The following SPATA17 variants were observed in gnomAD, a reference collection of about 807,000 sequenced individuals.
The protein encoded by SPATA17 is spermatogenesis-associated protein 17.
SPATA17 carries 53 observed loss-of-function variants against 62.2 expected under a neutral mutation model. The ratio of observed to expected loss-of-function variants is 0.85; its 90% CI spans 0.68 to 1.07. The LOEUF (loss-of-function observed/expected upper bound fraction) is 1.07, where lower values mean the gene tolerates loss of function less well. Ranked by LOEUF, SPATA17 falls within the 50% of genes least tolerant of loss-of-function variation. SPATA17 has a pLI of 0.00. For synonymous variants in SPATA17, 146 were observed against 146.8 expected, an observed-to-expected ratio of 0.99 and a Z score of 0.04; for missense variants, 466 against 425.5, an observed-to-expected ratio of 1.10 and a Z score of -0.84.
At chr1:217,801,954 G>T in intron 9 of SPATA17, 104 bp downstream of exon 9, 6 of 1,186,120 alleles carry the variant, frequency 5.1e-6, no homozygotes, top group Non-Finnish European at 6.9e-6. Flanking sequence ...AGACCTTTAT[G>T]GTAACAACAT....
intron 1 of SPATA17, among the ~76,000 whole-genome samples, chr1:217,631,842 C>G (rs796754223): frequency 6.6e-6 from 1 of 152,194 alleles, no homozygotes; most frequent in South Asian, 2.1e-4. Flanking sequence ...CGTTATTTTA[C>G]AAACATCACT....
chr1:217,664,826 G>C (rs1403785921), intron 3 of SPATA17, among the ~76,000 whole-genome samples: 1 of 152,118 alleles, frequency 6.6e-6, no homozygotes, highest in Non-Finnish European at 1.5e-5. Context: ...GAGAATGCTA[G>C]CTTCTTATTC....
rs376041446 is a variant in SPATA17, at chr1:217,793,215, G to GTTTTTTTTTTTTTTTTTTTTTTTTTT, written c.873-8498_873-8497insTTTTTTTTTTTTTTTTTTTTTTTTTT. On this transcript the variant is annotated intron_variant, in intron 8 of 10. Transcript: ENST00000366933. Reference sequence around the variant, plus strand: ...GAATTGCTTTAATGTTAGGGCAGTGGTTTTTGTTTTTTTTTTTTTTTTTGA... The same window carrying GTTTTTTTTTTTTTTTTTTTTTTTTTT: ...GAATTGCTTTAATGTTAGGGCAGTGGTTTTTTTTTTTTTTTTTTTTTTTTTTTTTTTGTTTTTTTTTTTTTTTTTGA... Among the ~76,000 whole-genome samples the GTTTTTTTTTTTTTTTTTTTTTTTTTT allele has an allele frequency of 3.5e-5, 4 of 114,598 alleles. 2 individuals carry two copies. The highest frequency in any genetic ancestry group is 6.4e-5 in the African/African-American group (2 of 31,008). The allele number at this position is 114,598 out of a possible 152,430, so 75.2% of individuals were successfully genotyped here.
intron 5 of SPATA17, among the ~76,000 whole-genome samples, chr1:217,689,119 A>G (rs1476995072): frequency 6.6e-6 from 1 of 152,154 alleles, no homozygotes; most frequent in Non-Finnish European, 1.5e-5. Flanking sequence ...TTGTGGATAC[A>G]ATGATTAACA....
intron 7 of SPATA17, among the ~76,000 whole-genome samples, chr1:217,779,905 A>G (rs1673694370): frequency 6.6e-6 from 1 of 152,140 alleles, no homozygotes; most frequent in African/African-American, 2.4e-5. Context: ...AAAATACAGC[A>G]GAACATAAAT....
chr1:217,703,133 C>G (rs1051405009), intron 5 of SPATA17, among the ~76,000 whole-genome samples: 18 of 148,286 alleles, frequency 1.2e-4, no homozygotes, highest in Admixed American at 1.2e-3. Context: ...CCTCAGCCTC[C>G]CAAAGTGCTG....
intron 7 of SPATA17, chr1:217,781,177 T>TA (rs1452955080): frequency 1.3e-5 from 2 of 152,180 alleles, no homozygotes; most frequent in African/African-American, 4.8e-5. Flanking sequence ...TCTATTAATG[T>TA]AAAGCATAAG....
intron 1 of SPATA17, among the ~76,000 whole-genome samples, chr1:217,633,705 G>A (rs1669872928): frequency 6.6e-6 from 1 of 152,202 alleles, no homozygotes; most frequent in Non-Finnish European, 1.5e-5. Context: ...AACATGTAGG[G>A]AACAGAGTTG....
chr1:217,706,202 T>G (rs1671729700), intron 5 of SPATA17, among the ~76,000 whole-genome samples: 1 of 152,176 alleles, frequency 6.6e-6, no homozygotes. Context: ...TTTTTTTGCC[T>G]CCATAGGAAT....
intron 9 of SPATA17, among the ~76,000 whole-genome samples, chr1:217,839,561 G>A (rs1186821951): frequency 6.6e-6 from 1 of 151,952 alleles, no homozygotes; most frequent in Non-Finnish European, 1.5e-5. Flanking sequence ...GACAGGACTT[G>A]CAAACTCTAG....
intron 4 of SPATA17, among the ~76,000 whole-genome samples, chr1:217,678,901 G>A (rs1428080629): frequency 6.7e-6 from 1 of 149,804 alleles, no homozygotes. Flanking sequence ...TGAAGGACAT[G>A]AATACAAATC....
At chr1:217,809,148 G>C (rs1302125407) in intron 9 of SPATA17, among the ~76,000 whole-genome samples, 1 of 152,188 alleles carries the variant, frequency 6.6e-6, no homozygotes, top group East Asian at 1.9e-4. Context: ...ATATGGGATT[G>C]CCAAGGGGTA....
chr1:217,650,863 T>A (rs1433718534), intron 2 of SPATA17, among the ~76,000 whole-genome samples: 1 of 152,220 alleles, frequency 6.6e-6, no homozygotes, highest in Non-Finnish European at 1.5e-5. Context: ...AGAATTGAAA[T>A]TAAGTATTGT....
In SPATA17 at chr1:217,801,820, T is replaced by C. The variant is rs373398679; in HGVS notation, c.975T>C (p.Ser325=). 6.2e-7 allele frequency: 1 copy of C among 1,609,892 alleles called. No individual in the cohort carries two copies. The highest frequency in any genetic ancestry group is 1.3e-5 in the African/African-American group (1 of 74,808). ...TTTCTTACAAAGAACAATTCCGAAG[T>C]GAAAATCCTAAGAAATGGATCTGTG... ...GPISYKEQFR[S]ENPKKWICDK... The change falls in exon 9 of 11, where the codon AGT becomes AGC. Residue 325 remains serine (S), a synonymous_variant. Coordinates refer to ENST00000366933, the MANE Select transcript of SPATA17 (RefSeq NM_138796.4).
chr1:217,808,537 A>G (rs957239392), intron 9 of SPATA17, among the ~76,000 whole-genome samples: 2 of 152,156 alleles, frequency 1.3e-5, no homozygotes, highest in African/African-American at 4.8e-5. Flanking sequence ...CTCCTTCCTG[A>G]AGGGATTTAA....
intron 3 of SPATA17, among the ~76,000 whole-genome samples, chr1:217,663,618 G>T (rs1670617729): frequency 6.6e-6 from 1 of 151,868 alleles, no homozygotes; most frequent in East Asian, 1.9e-4. Flanking sequence ...CAAAAACTCA[G>T]GCTCATCAGA....
chr1:217,850,379 C>T, intron 9 of SPATA17: 2 of 945,288 alleles, frequency 2.1e-6, no homozygotes, highest in Non-Finnish European at 3.3e-6. Flanking sequence ...TCACTGAGCA[C>T]TGCAAATGCA....
chr1:217,739,629 G>C (rs1182089919), intron 5 of SPATA17: 1 of 151,948 alleles, frequency 6.6e-6, no homozygotes, highest in Admixed American at 6.6e-5. Flanking sequence ...AGTTAGAATG[G>C]TTTCCATCCT....
chr1:217,711,201 G>A (rs964984357), intron 5 of SPATA17, among the ~76,000 whole-genome samples: 7 of 152,098 alleles, frequency 4.6e-5, no homozygotes, highest in Admixed American at 1.3e-4. Context: ...TAGGCAAATT[G>A]TGTGTCACAG....
Sources: allele counts gnomAD v4.1 joint callset (sites outside exome capture counted in the v4.1 genomes callset), GRCh38; gene constraint gnomAD v4.1.1; transcripts MANE v1.5; gene names NCBI Gene and HGNC (gene_info 2026-07-23, HGNC 2026-07-21).